Variants in NT5C2 observed in about 807,000 individuals in gnomAD.
NT5C2 encodes 5'-nucleotidase, cytosolic II, also known as cytosolic purine 5'-nucleotidase.
Under a neutral mutation model 76.1 loss-of-function variants are expected in NT5C2, and 58 were observed. The observed-to-expected ratio is 0.76, with a 90% CI of 0.62 to 0.95. The LOEUF (loss-of-function observed/expected upper bound fraction) is 0.95, where lower values mean the gene tolerates loss of function less well. Among genes scored for constraint, NT5C2 ranks in the 40% least tolerant of loss-of-function variants. The probability of loss-of-function intolerance (pLI) is 0.00; values close to 1 mark genes in which losing one functional copy is unlikely to be tolerated. For synonymous variants in NT5C2, 229 were observed against 237.4 expected, an observed-to-expected ratio of 0.96 and a Z score of 0.32; for missense variants, 478 against 690.3, an observed-to-expected ratio of 0.69 and a Z score of 3.45.
At chr10:103,111,245 A>T (rs531829452) in intron 4 of NT5C2, among the ~76,000 whole-genome samples, 28 of 152,354 alleles carry the variant, frequency 1.8e-4, no homozygotes, top group African/African-American at 6.7e-4. Context: ...TTCTTCTCCC[A>T]GAAGGTACTC....
chr10:103,154,744 C>CT (rs2083030291), intron 3 of NT5C2, among the ~76,000 whole-genome samples: 2 of 152,092 alleles, frequency 1.3e-5, no homozygotes, highest in Non-Finnish European at 2.9e-5. Flanking sequence ...ATGGGAAATA[C>CT]TTTTTTAAAA....
intron 4 of NT5C2, among the ~76,000 whole-genome samples, chr10:103,131,094 C>T (rs1386100300): frequency 6.6e-6 from 1 of 152,184 alleles, no homozygotes; most frequent in Non-Finnish European, 1.5e-5. Context: ...GAGCCAACAA[C>T]CACCTCTCAA....
At chr10:103,136,768 G>A (rs1466339786) in intron 4 of NT5C2, among the ~76,000 whole-genome samples, 1 of 151,922 alleles carries the variant, frequency 6.6e-6, no homozygotes, top group African/African-American at 2.4e-5. Context: ...GAGACTACAG[G>A]CACGTACCAC....
At chr10:103,091,707 C>G in intron 15 of NT5C2, 92 bp from the exon 16 acceptor site, 4 of 1,048,208 alleles carry the variant, frequency 3.8e-6, no homozygotes, top group African/African-American at 1.6e-5. Context: ...GCAGATGTGA[C>G]TGGAAAGTAG....
chr10:103,187,852 G>C (rs1397420830), intron 1 of NT5C2, among the ~76,000 whole-genome samples: 2 of 151,988 alleles, frequency 1.3e-5, no homozygotes, highest in East Asian at 3.9e-4. Flanking sequence ...CATCTTTAAA[G>C]GCAAATGAGA....
intron 3 of NT5C2, among the ~76,000 whole-genome samples, chr10:103,159,485 A>G (rs547078863): frequency 6.6e-6 from 1 of 152,004 alleles, no homozygotes; most frequent in Non-Finnish European, 1.5e-5. Context: ...TTCTCCACCA[A>G]AAAGAAAAAA....
At chr10:103,105,279 C>CAA (rs1162044158) in intron 6 of NT5C2, 30 of 259,646 alleles carry the variant, frequency 1.2e-4, no homozygotes, top group Non-Finnish European at 1.0e-4. Flanking sequence ...ATCTAAAAAA[C>CAA]GTATTGGCTA....
chr10:103,169,091 T>C (rs951959782), intron 3 of NT5C2, among the ~76,000 whole-genome samples: 2 of 152,100 alleles, frequency 1.3e-5, no homozygotes, highest in African/African-American at 4.8e-5. Flanking sequence ...GTACAGATAA[T>C]AATCTACTGT....
chr10:103,178,954 C>CTTTTTTT lies in NT5C2; in HGVS notation c.-25+2224_-25+2230dup, dbSNP rs758982511. Among the ~76,000 whole-genome samples the CTTTTTTT allele has an allele frequency of 4.5e-3, 573 of 128,456 alleles. 21 individuals are homozygous for CTTTTTTT. The East Asian group carries it at 0.06, about 14-fold the overall frequency. The allele number at this position is 128,456 out of a possible 152,430, so 84.3% of individuals were successfully genotyped here. A position where few individuals can be genotyped will look rare whatever the true frequency, so the allele number is the denominator to read the frequency against. ...TCTACGTTTTCTTTTTTCTTTTTTTCTTTTTTTTTTTTGAGATAGAGTCTT... is the reference window on the plus strand; with the variant it reads ...TCTACGTTTTCTTTTTTCTTTTTTTCTTTTTTTTTTTTTTTTTTTGAGATAGAGTCTT... On this transcript the variant is annotated intron_variant, in intron 2 of 18. Coordinates refer to ENST00000404739, the MANE Select transcript of NT5C2 (RefSeq NM_001351169.2).
chr10:103,186,469 C>T lies in NT5C2; in HGVS notation c.-168-5141G>A, dbSNP rs145796263. On this transcript the variant is annotated intron_variant, in intron 1 of 18. Coordinates refer to ENST00000404739, the MANE Select transcript of NT5C2 (RefSeq NM_001351169.2). ...CTGTAACAATTTCACACATTTATCA[C>T]GTCAATTAAAGTATCCTAAATATAA... Among the ~76,000 whole-genome samples, 78 of 152,294 alleles carry T rather than the reference C, an allele frequency of 5.1e-4. 1 individual carries two copies. In the East Asian group the frequency reaches 0.014, roughly 27 times the overall value.
intron 4 of NT5C2, among the ~76,000 whole-genome samples, chr10:103,130,575 A>G (rs1411482244): frequency 7.5e-5 from 7 of 93,838 alleles, no homozygotes; most frequent in African/African-American, 2.9e-4. Flanking sequence ...TAAAAAAAAA[A>G]TAAAAATTAA....
chr10:103,180,058 A>C (rs914270919), intron 2 of NT5C2, among the ~76,000 whole-genome samples: 2 of 152,262 alleles, frequency 1.3e-5, no homozygotes, highest in African/African-American at 2.4e-5. Flanking sequence ...AAATGCAATA[A>C]TAAGCTAAAT....
At chr10:103,174,738 T>C in intron 3 of NT5C2, 120 bp downstream of exon 3, 1 of 712,146 alleles carries the variant, frequency 1.4e-6, no homozygotes, top group Non-Finnish European at 2.5e-6. Flanking sequence ...ATTTGTACCA[T>C]GTACTAGACA....
In NT5C2 at chr10:103,093,199, G is replaced by A. The variant is rs769873284; in HGVS notation, c.1099C>T (p.Arg367Ter). 7.4e-6 allele frequency: 12 copies of A among 1,611,192 alleles called. No individual in the cohort carries two copies. Among genetic ancestry groups the A allele is most frequent in the African/African-American group, 1.3e-5 (1 of 74,796 alleles). Residue 367 changes from arginine to a stop codon, truncating the protein, a stop_gained, in exon 15 of 19, where the codon CGA becomes TGA. Transcript: ENST00000404739. LOFTEE classifies it high-confidence loss of function. Reference sequence around the variant, plus strand: ...AGTTCAGGAATCACCAAAAAAGTTCGCCACCCTTGCCGTTTCTTTGATTTT... The same window carrying A: ...AGTTCAGGAATCACCAAAAAAGTTCACCACCCTTGCCGTTTCTTTGATTTT... The part of the protein sequence containing the change: ...ILKSKKRQGW[R>*]TFLVIPELAQ...
chr10:103,130,906 A>G (rs2078046745), intron 4 of NT5C2, among the ~76,000 whole-genome samples: 1 of 152,186 alleles, frequency 6.6e-6, no homozygotes, highest in South Asian at 2.1e-4. Context: ...CCAAAAACAG[A>G]GTTTCCTTAT....
intron 3 of NT5C2, among the ~76,000 whole-genome samples, chr10:103,162,607 G>A (rs902332385): frequency 6.6e-6 from 1 of 152,082 alleles, no homozygotes; most frequent in Non-Finnish European, 1.5e-5. Context: ...ATTGTAAGTG[G>A]AACTATAAAC....
At chr10:103,119,853 C>T (rs933864918) in intron 4 of NT5C2, among the ~76,000 whole-genome samples, 21 of 152,212 alleles carry the variant, frequency 1.4e-4, no homozygotes, top group African/African-American at 4.8e-4. Flanking sequence ...AATCCCAGCA[C>T]TCTGGAAGGC....
chr10:103,177,910 C>T lies in NT5C2; in HGVS notation c.-24-2928G>A, dbSNP rs377290799. On this transcript the variant is annotated intron_variant, in intron 2 of 18. Coordinates refer to ENST00000404739, the MANE Select transcript of NT5C2 (RefSeq NM_001351169.2). The stretch of plus-strand genomic sequence containing the variant: ...TCCATGACTCTAAAGTAAAACCCCT[C>T]ATCCATTAAGCAGTTTCTTCCCACT... Among the ~76,000 whole-genome samples the T allele has an allele frequency of 6.6e-5, 10 of 152,302 alleles. No homozygotes were observed. In the East Asian group the frequency reaches 1.5e-3, roughly 23 times the overall value.
chr10:103,183,655 C>G (rs2135341849), intron 1 of NT5C2, among the ~76,000 whole-genome samples: 1 of 151,176 alleles, frequency 6.6e-6, no homozygotes, highest in East Asian at 2.0e-4. Flanking sequence ...CACACATACA[C>G]ACACACATAT....
Sources: allele counts gnomAD v4.1 joint callset (sites outside exome capture counted in the v4.1 genomes callset), GRCh38; gene constraint gnomAD v4.1.1; transcripts MANE v1.5; gene names NCBI Gene and HGNC (gene_info 2026-07-23, HGNC 2026-07-21).